FAM78B: variants seen among roughly 807,000 people sequenced by gnomAD.
The protein encoded by FAM78B is protein FAM78B.
A neutral mutation model predicts 20.0 loss-of-function variants in FAM78B; 10 were observed. That is an observed-to-expected ratio of 0.50 (90% CI 0.31 to 0.85). The LOEUF is 0.85. Among genes scored for constraint, FAM78B ranks in the 40% least tolerant of loss-of-function variants. The probability of loss-of-function intolerance (pLI) is 0.05; values close to 1 mark genes in which losing one functional copy is unlikely to be tolerated. For missense variants in FAM78B, 283 were observed against 345.0 expected, an observed-to-expected ratio of 0.82 and a Z score of 1.42; for synonymous variants, 135 against 132.8, an observed-to-expected ratio of 1.02 and a Z score of -0.12.
chr1:166,077,844 TATA>T lies in FAM78B; in HGVS notation c.264-7084_264-7082del, dbSNP rs1423188429. 2.0e-4 allele frequency among the ~76,000 whole-genome samples: 24 copies of T among 120,466 alleles called. 2 individuals carry two copies. Among genetic ancestry groups the T allele is most frequent in the South Asian group, 4.9e-4 (2 of 4,110 alleles). The allele number at this position is 120,466 out of a possible 152,430, so 79.0% of individuals were successfully genotyped here. A position where few individuals can be genotyped will look rare whatever the true frequency, so the allele number is the denominator to read the frequency against. On this transcript the variant is annotated intron_variant, in intron 1 of 1. Coordinates refer to ENST00000354422, the MANE Select transcript of FAM78B (RefSeq NM_001017961.5). ...TATATAAATATATATAATTTATATATATAATAATATATATAATTTATATATATA... is the reference window on the plus strand; with the variant it reads ...TATATAAATATATATAATTTATATATATAATATATATAATTTATATATATA...
intron 1 of FAM78B, among the ~76,000 whole-genome samples, chr1:166,132,794 T>C (rs540705805): frequency 6.6e-6 from 1 of 152,324 alleles, no homozygotes; most frequent in African/African-American, 2.4e-5. Flanking sequence ...AGGCCAACTT[T>C]GTTATTTTAT....
intron 2 of FAM78B, among the ~76,000 whole-genome samples, chr1:166,061,513 G>T: frequency 6.6e-6 from 1 of 152,052 alleles, no homozygotes; most frequent in Non-Finnish European, 1.5e-5. Flanking sequence ...AAATTCTTAG[G>T]CAGATGGTAA....
intron 1 of FAM78B, among the ~76,000 whole-genome samples, chr1:166,111,220 G>A (rs1654038463): frequency 6.6e-6 from 1 of 152,198 alleles, no homozygotes; most frequent in Admixed American, 6.5e-5. Context: ...CCGGATTAGT[G>A]CTGCCTTCTG....
chr1:166,166,282 G>A lies in FAM78B; in HGVS notation c.-34C>T, dbSNP rs1259913503. On this transcript the variant is annotated 5_prime_UTR_variant, in exon 1 of 2. Coordinates refer to ENST00000354422, the MANE Select transcript of FAM78B (RefSeq NM_001017961.5). ...CCGGTGCCGGCACGGCGCGGCGTGG[G>A]GCAGCGCGGGGGCCCGCGCGGGCAG... is the stretch of plus-strand genomic sequence containing the variant. 4 of 1,230,744 alleles carry A rather than the reference G, an allele frequency of 3.3e-6. No homozygotes were observed. Among genetic ancestry groups the A allele is most frequent in the Admixed American group, 8.6e-5 (2 of 23,304 alleles). The allele number at this position is 1,230,744 out of a possible 1,614,324, so 76.2% of individuals were successfully genotyped here. A position where few individuals can be genotyped will look rare whatever the true frequency, so the allele number is the denominator to read the frequency against.
At chr1:166,100,720 G>A (rs970155509) in intron 1 of FAM78B, among the ~76,000 whole-genome samples, 8 of 152,254 alleles carry the variant, frequency 5.3e-5, no homozygotes, top group Non-Finnish European at 8.8e-5. Flanking sequence ...GAAGCCCACC[G>A]TAGCTCAAGG....
intron 1 of FAM78B, among the ~76,000 whole-genome samples, chr1:166,135,835 T>A: frequency 6.6e-6 from 1 of 152,252 alleles, no homozygotes; most frequent in Non-Finnish European, 1.5e-5. Flanking sequence ...TTTTTCTTCC[T>A]CTGAATAGTC....
chr1:166,116,144 G>A lies in FAM78B; in HGVS notation c.264-45381C>T, dbSNP rs142259504. ...TGGTTGCATTCTGCAGCTTTCATGTGTCCTGTGGCTCTTGGTGGGGCTGCT... is the reference window on the plus strand; with the variant it reads ...TGGTTGCATTCTGCAGCTTTCATGTATCCTGTGGCTCTTGGTGGGGCTGCT... On this transcript the variant is annotated intron_variant, in intron 1 of 1. Coordinates refer to ENST00000354422, the MANE Select transcript of FAM78B (RefSeq NM_001017961.5). 1.8e-3 allele frequency among the ~76,000 whole-genome samples: 273 copies of A among 152,280 alleles called. 1 individual carries two copies. In the South Asian group the frequency reaches 0.021, roughly 11 times the overall value.
chr1:166,101,190 G>A (rs1442823927), intron 1 of FAM78B, among the ~76,000 whole-genome samples: 1 of 152,136 alleles, frequency 6.6e-6, no homozygotes, highest in Non-Finnish European at 1.5e-5. Context: ...AACCCCATCT[G>A]TACATCACCA....
At chr1:166,139,863 C>A (rs1036061585) in intron 1 of FAM78B, among the ~76,000 whole-genome samples, 2 of 152,120 alleles carry the variant, frequency 1.3e-5, no homozygotes, top group African/African-American at 4.8e-5. Flanking sequence ...ATGAAAAAAT[C>A]CAAGTTTGGC....
At chr1:166,081,697 C>T (rs934813962) in intron 1 of FAM78B, among the ~76,000 whole-genome samples, 10 of 152,156 alleles carry the variant, frequency 6.6e-5, no homozygotes, top group African/African-American at 2.4e-4. Context: ...AGATGCCTTC[C>T]CACAGGAGTA....
At chr1:166,089,231 G>GAACTT (rs764893769) in intron 1 of FAM78B, among the ~76,000 whole-genome samples, 2 of 152,196 alleles carry the variant, frequency 1.3e-5, no homozygotes, top group Non-Finnish European at 2.9e-5. Context: ...CTGATTCATA[G>GAACTT]AACTTATCAC....
chr1:166,166,126 G>A lies in FAM78B; in HGVS notation c.123C>T (p.Val41=). 3 of 1,610,360 alleles carry A rather than the reference G, an allele frequency of 1.9e-6. No homozygotes were observed. The highest frequency in any genetic ancestry group is 1.1e-5 in the South Asian group (1 of 90,600). Reference sequence around the variant, plus strand: ...TGAAGTAGGGGGTCTTGTAGCGCAGGACGATGGGCGAGGTCTCCTCGATGC... The same window carrying A: ...TGAAGTAGGGGGTCTTGTAGCGCAGAACGATGGGCGAGGTCTCCTCGATGC... ...PTRIEETSPI[V]LRYKTPYFKA... The change falls in exon 1 of 2, where the codon GTC becomes GTT. Residue 41 remains valine, a synonymous_variant. Transcript: ENST00000354422.
chr1:166,097,300 G>T (rs1299224248), intron 1 of FAM78B, among the ~76,000 whole-genome samples: 3 of 152,182 alleles, frequency 2.0e-5, no homozygotes, highest in African/African-American at 7.2e-5. Flanking sequence ...AACTCCACAG[G>T]GGGAAGGAAT....
chr1:166,119,913 C>CAAGAGGGAAGCTAAGCAT (rs1654404422), intron 1 of FAM78B, among the ~76,000 whole-genome samples: 1 of 152,184 alleles, frequency 6.6e-6, no homozygotes, highest in Non-Finnish European at 1.5e-5. Flanking sequence ...TTTCCAGCCA[C>CAAGAGGGAAGCTAAGCAT]AAGAGGGAAG....
Position 166,070,199 on chromosome 1 carries a change from C to T in FAM78B, c.*42G>A, listed in dbSNP as rs1651963941. The T allele has an allele frequency of 2.0e-6, 3 of 1,492,464 alleles. No individual in the cohort carries two copies. The highest frequency in any genetic ancestry group is 2.7e-6 in the Non-Finnish European group (3 of 1,119,356). The allele number at this position is 1,492,464 out of a possible 1,614,324, so 92.5% of individuals were successfully genotyped here. ...CACCCCTGGCACCCTCACTGCATGT[C>T]TCAGAGGCGTGTGATCCACACACAG... is the stretch of plus-strand genomic sequence containing the variant. On this transcript the variant is annotated 3_prime_UTR_variant, in exon 2 of 2. Coordinates refer to ENST00000354422, the MANE Select transcript of FAM78B (RefSeq NM_001017961.5).
At chr1:166,147,523 T>C (rs1655506531) in intron 1 of FAM78B, among the ~76,000 whole-genome samples, 1 of 152,218 alleles carries the variant, frequency 6.6e-6, no homozygotes, top group Non-Finnish European at 1.5e-5. Flanking sequence ...GGTGTTTTTA[T>C]GGGTCTACTG....
intron 1 of FAM78B, among the ~76,000 whole-genome samples, chr1:166,136,652 A>C (rs573126095): frequency 6.6e-6 from 1 of 152,356 alleles, no homozygotes; most frequent in East Asian, 1.9e-4. Flanking sequence ...TCTACCAAAA[A>C]GAAAAAGCAA....
chr1:166,070,640 G>C lies in FAM78B; in HGVS notation c.387C>G (p.Asn129Lys). 1 of 1,613,748 alleles carries C rather than the reference G, an allele frequency of 6.2e-7. No homozygotes were observed. The highest frequency in any genetic ancestry group is 8.5e-7 in the Non-Finnish European group (1 of 1,180,014). The stretch of plus-strand genomic sequence containing the variant: ...TGCTGACGGAGAACCTGGAGATCTT[G>C]TTGGTGGGGCCAACCAGGGTCACAG... Reference protein sequence around the residue: ...TETVTLVGPTNKISRFSVSMN... With the variant: ...TETVTLVGPTKKISRFSVSMN... Residue 129 changes from asparagine (N) to lysine (K), a missense_variant, in exon 2 of 2, where the codon AAC (asparagine) becomes AAG (lysine). Physicochemically the swap from Asn to Lys is moderately conservative, Grantham distance 94. Transcript: ENST00000354422.
intron 1 of FAM78B, among the ~76,000 whole-genome samples, chr1:166,084,237 A>ACACACTCTCTCTCTCTCTCTCTCTCTCT (rs771421402): frequency 9.6e-5 from 12 of 125,476 alleles, no homozygotes; most frequent in Non-Finnish European, 1.4e-4. Context: ...ACACACACAC[A>ACACACTCTCTCTCTCTCTCTCTCTCTCT]CTCTCTCTCT....
Sources: gnomAD v4.1 joint callset for allele counts (sites outside exome capture counted in the v4.1 genomes callset) on GRCh38, gnomAD v4.1.1 for gene constraint, MANE v1.5 for transcripts, NCBI Gene and HGNC (gene_info 2026-07-23, HGNC 2026-07-21) for gene names.